The following PKHD1 variants were observed in gnomAD, a reference collection of about 807,000 sequenced individuals.
The protein encoded by PKHD1 is fibrocystin.
A neutral mutation model predicts 412.0 loss-of-function variants in PKHD1; 291 were observed. That is an observed-to-expected ratio of 0.71 (90% CI 0.64 to 0.78). PKHD1 has a LOEUF of 0.78. Among genes scored for constraint, PKHD1 ranks in the 30% least tolerant of loss-of-function variants. The pLI is 0.00. For synonymous variants in PKHD1, 1,777 were observed against 1,821.5 expected, an observed-to-expected ratio of 0.98 and a Z score of 0.62; for missense variants, 4,825 against 4,950.7, an observed-to-expected ratio of 0.97 and a Z score of 0.76.
intron 35 of PKHD1, among the ~76,000 whole-genome samples, chr6:51,979,936 C>T (rs1306575273): frequency 6.6e-6 from 1 of 152,174 alleles, no homozygotes; most frequent in Admixed American, 6.5e-5. Context: ...AAGCTATCTT[C>T]TCTCAGTGCT....
intron 20 of PKHD1, 142 bp downstream of exon 20, chr6:52,053,896 A>G: frequency 1.2e-6 from 1 of 851,872 alleles, no homozygotes. Flanking sequence ...TTTTTTGTCA[A>G]ATAAAATATA....
At chr6:52,045,612 T>C (rs1045393547) in intron 24 of PKHD1, among the ~76,000 whole-genome samples, 1 of 152,240 alleles carries the variant, frequency 6.6e-6, no homozygotes, top group African/African-American at 2.4e-5. Flanking sequence ...CAAGAGCATC[T>C]GGTTTTGTCA....
chr6:52,045,086 G>T lies in PKHD1; in HGVS notation c.2595C>A (p.Val865=), dbSNP rs747493805. Residue 865 remains valine (V), a splice_region_variant and synonymous_variant, in exon 25 of 67, where the codon GTC becomes GTA. Transcript: ENST00000371117. ...TCACTCCAGTAAGGTTTTCATCAGA[G>T]ACCTGAGATGGTTACATTTCTGGTA... ...QIGDLPNFIR[V]SDENLTGVNP... The T allele has an allele frequency of 6.2e-7, 1 of 1,613,076 alleles. No individual in the cohort carries two copies. The highest frequency in any genetic ancestry group is 8.5e-7 in the Non-Finnish European group (1 of 1,179,248).
chr6:51,753,574 G>A (rs1169668080), intron 56 of PKHD1, among the ~76,000 whole-genome samples: 8 of 152,156 alleles, frequency 5.3e-5, no homozygotes, highest in Non-Finnish European at 1.2e-4. Flanking sequence ...CAGAGTGTTT[G>A]AGCAAGAATT....
At chr6:52,042,384 C>T (rs1805040659) in intron 27 of PKHD1, among the ~76,000 whole-genome samples, 1 of 152,162 alleles carries the variant, frequency 6.6e-6, no homozygotes, top group Non-Finnish European at 1.5e-5. Flanking sequence ...CATCAGTATT[C>T]CTGAGATTCT....
chr6:51,635,014 A>G (rs1272432264), intron 64 of PKHD1, among the ~76,000 whole-genome samples: 3 of 152,170 alleles, frequency 2.0e-5, no homozygotes, highest in Non-Finnish European at 4.4e-5. Flanking sequence ...GTAGCCCTGA[A>G]CACCAGGGCT....
intron 60 of PKHD1, among the ~76,000 whole-genome samples, chr6:51,717,512 A>G (rs924629771): frequency 1.3e-5 from 2 of 152,182 alleles, no homozygotes; most frequent in Non-Finnish European, 2.9e-5. Flanking sequence ...TGTTTAGATA[A>G]ACAAATATCA....
intron 60 of PKHD1, among the ~76,000 whole-genome samples, chr6:51,694,549 T>TTTG (rs1778568672): frequency 6.2e-5 from 1 of 16,076 alleles, no homozygotes; most frequent in African/African-American, 1.4e-4. Flanking sequence ...ACAACCAGCC[T>TTTG]TTTTTTTTTT....
At chr6:51,765,530 G>T (rs1460897994) in intron 55 of PKHD1, among the ~76,000 whole-genome samples, 2 of 151,890 alleles carry the variant, frequency 1.3e-5, no homozygotes, top group East Asian at 3.9e-4. Flanking sequence ...TAGGCCAGCT[G>T]GTTCCCACCC....
intron 37 of PKHD1, among the ~76,000 whole-genome samples, chr6:51,921,131 C>G (rs9395745): frequency 0.38 from 58,017 of 151,866 alleles, 11,852 homozygotes; most frequent in East Asian, 0.76. Flanking sequence ...CTTCAGTTTT[C>G]CTCTGATCTT....
At position 51,912,554 on chromosome 6, in the gene PKHD1, G is replaced by A; in HGVS notation, c.6144C>T (p.Val2048=). 1.2e-6 allele frequency: 2 copies of A among 1,612,590 alleles called. No homozygotes were observed. The highest frequency in any genetic ancestry group is 8.5e-7 in the Non-Finnish European group (1 of 1,178,900). The change falls in exon 38 of 67, where the codon GTC becomes GTT. Residue 2048 remains valine, a synonymous_variant. Transcript: ENST00000371117. The part of the protein sequence containing the change: ...SLHGSLPEVI[V]TCLRATAHAL... The stretch of plus-strand genomic sequence containing the variant: ...CATGGGCAGTTGCTCTAAGACAGGT[G>A]ACAATTACTTCTGGTAGTGAACCTA...
intron 64 of PKHD1, among the ~76,000 whole-genome samples, chr6:51,634,617 A>G (rs993863577): frequency 2.6e-5 from 4 of 152,228 alleles, no homozygotes; most frequent in Non-Finnish European, 4.4e-5. Context: ...ACAAATTAGG[A>G]TGTGACACAT....
chr6:51,851,072 CAATACCT>C (rs1295117777), intron 49 of PKHD1, among the ~76,000 whole-genome samples: 6 of 152,094 alleles, frequency 3.9e-5, no homozygotes, highest in Admixed American at 2.0e-4. Context: ...TATGTTCCAT[CAATACCT>C]AGCTTACTGA....
chr6:51,795,786 T>G (rs563966089), intron 52 of PKHD1, among the ~76,000 whole-genome samples: 1 of 152,326 alleles, frequency 6.6e-6, no homozygotes, highest in African/African-American at 2.4e-5. Flanking sequence ...AATCATGTGG[T>G]TTTGGTCTTT....
chr6:52,047,833 C>T (rs1263685678), intron 23 of PKHD1, among the ~76,000 whole-genome samples: 1 of 152,176 alleles, frequency 6.6e-6, no homozygotes, highest in Non-Finnish European at 1.5e-5. Context: ...GGCCTAATGG[C>T]CTAATCCCCA....
intron 53 of PKHD1, among the ~76,000 whole-genome samples, chr6:51,787,537 A>G (rs1326559): frequency 0.74 from 112,519 of 152,026 alleles, 41,932 homozygotes; most frequent in East Asian, 0.97. Flanking sequence ...TTTCTTTAGG[A>G]TGTGGTAAAA....
At chr6:51,982,179 G>A (rs1562050882) in intron 35 of PKHD1, among the ~76,000 whole-genome samples, 12 of 43,178 alleles carry the variant, frequency 2.8e-4, no homozygotes, top group Middle Eastern at 5.4e-3. Flanking sequence ...CCGTCCGGGA[G>A]GGAGGTGGGG....
chr6:51,994,564 TTTG>T (rs750151238), intron 35 of PKHD1, among the ~76,000 whole-genome samples: 3 of 151,882 alleles, frequency 2.0e-5, no homozygotes, highest in African/African-American at 7.3e-5. Flanking sequence ...TTTTTTTGGG[TTTG>T]TTGTTGTTGT....
chr6:51,903,958 T>C, intron 42 of PKHD1, 28 bp downstream of exon 42: 1 of 1,442,876 alleles, frequency 6.9e-7, no homozygotes, highest in Non-Finnish European at 9.8e-7. Context: ...TACACTGTAA[T>C]AGATTTAAAA....
Sources: gnomAD v4.1 joint callset for allele counts (sites outside exome capture counted in the v4.1 genomes callset) on GRCh38, gnomAD v4.1.1 for gene constraint, MANE v1.5 for transcripts, NCBI Gene and HGNC (gene_info 2026-07-23, HGNC 2026-07-21) for gene names.